The following TMPRSS9 variants were observed in gnomAD, a reference collection of about 807,000 sequenced individuals.
The protein encoded by TMPRSS9 is transmembrane serine protease 9.
TMPRSS9 carries 113 observed loss-of-function variants against 111.4 expected under a neutral mutation model. The observed-to-expected ratio is 1.01, with a 90% CI of 0.87 to 1.19. The LOEUF is 1.19. TMPRSS9 is among the 50% of genes most tolerant of loss of function. The pLI, the probability that TMPRSS9 is intolerant of heterozygous loss-of-function variation, is 0.00. For synonymous variants in TMPRSS9, 805 were observed against 659.1 expected (o/e 1.22, Z -3.39); for missense variants, 1,803 against 1,513.1 (o/e 1.19, Z -3.18).
At chr19:2,388,511 T>A (rs138303698), upstream of TMPRSS9, among the ~76,000 whole-genome samples, 64 of 152,264 alleles carry the variant, frequency 4.2e-4, 2 homozygotes, top group East Asian at 0.012. Flanking sequence ...AAACGTATTC[T>A]CCCCTGGAGC....
intron 1 of TMPRSS9, among the ~76,000 whole-genome samples, chr19:2,391,601 C>T (rs958962420): frequency 2.9e-4 from 44 of 149,366 alleles, no homozygotes; most frequent in African/African-American, 9.6e-4. Context: ...TGTGTGCATG[C>T]GTGTGTGTGT....
chr19:2,389,649 T>G (rs1970544312), upstream of TMPRSS9: 4 of 1,061,720 alleles, frequency 3.8e-6, no homozygotes, highest in Admixed American at 8.2e-5. Flanking sequence ...ATGACAGGCG[T>G]GAGCCACCGC....
chr19:2,380,576 G>C (rs1226361796), intron 1 of TMPRSS9, among the ~76,000 whole-genome samples: 1 of 138,230 alleles, frequency 7.2e-6, no homozygotes, highest in Non-Finnish European at 1.5e-5. Context: ...ACTCCAGCCT[G>C]GGCAACAGAG....
At chr19:2,378,381 G>A (rs763931057) in intron 1 of TMPRSS9, among the ~76,000 whole-genome samples, 5 of 152,182 alleles carry the variant, frequency 3.3e-5, no homozygotes, top group Admixed American at 6.6e-5. Context: ...GTCCCTGTAA[G>A]TGTTGACGGG....
intron 1 of TMPRSS9, among the ~76,000 whole-genome samples, chr19:2,379,634 T>TTTCTTTCC (rs1491311536): frequency 1.4e-5 from 2 of 146,594 alleles, no homozygotes; most frequent in African/African-American, 2.6e-5. Flanking sequence ...TCTTTCTTTC[T>TTTCTTTCC]TTCTTTCTTT....
intron 1 of TMPRSS9, among the ~76,000 whole-genome samples, chr19:2,377,480 TC>T (rs1970346988): frequency 8.9e-5 from 3 of 33,584 alleles, no homozygotes; most frequent in African/African-American, 2.2e-4. Context: ...TCCCCTCTCC[TC>T]TCTCCCCCCC....
chr19:2,382,170 CT>C (rs1204603919), intron 1 of TMPRSS9, among the ~76,000 whole-genome samples: 2 of 152,090 alleles, frequency 1.3e-5, no homozygotes, highest in Non-Finnish European at 1.5e-5. Flanking sequence ...CAAAACGTTT[CT>C]TTTTTTTAAA....
Position 2,417,977 on chromosome 19 carries a change from G to T in TMPRSS9, c.2018-25G>T, listed in dbSNP as rs569280740. ...TGCTCTGATGATCACTGTGCACGTG[G>T]CCTTTCTGGCTCTTTCCCTGGTAGC... is the stretch of plus-strand genomic sequence containing the variant. On this transcript the variant is annotated intron_variant, in intron 12 of 17. Coordinates refer to ENST00000648592, the Ensembl canonical transcript of TMPRSS9. The T allele has an allele frequency of 2.5e-6, 4 of 1,611,198 alleles. No homozygotes were observed. The South Asian group carries it at 4.4e-5, about 18-fold the overall frequency.
At chr19:2,389,289 G>A (rs965796428), upstream of TMPRSS9, among the ~76,000 whole-genome samples, 61 of 151,220 alleles carry the variant, frequency 4.0e-4, no homozygotes, top group Non-Finnish European at 7.5e-4. Flanking sequence ...TGGCCAGGCT[G>A]GTCTCAAACT....
At chr19:2,416,424 T>C (rs1663738838) in intron 11 of TMPRSS9, 114 bp from the exon 13 acceptor site, 7 of 1,402,344 alleles carry the variant, frequency 5.0e-6, no homozygotes, top group Non-Finnish European at 6.7e-6. Flanking sequence ...AGGATGGTCC[T>C]GGGGCCCAGG....
At chr19:2,404,041 G>A (rs1441673549) in intron 6 of TMPRSS9, among the ~76,000 whole-genome samples, 3 of 151,536 alleles carry the variant, frequency 2.0e-5, no homozygotes, top group Non-Finnish European at 4.4e-5. Context: ...GGTGGTGGGC[G>A]CCTGTGGCCC....
intron 1 of TMPRSS9, among the ~76,000 whole-genome samples, chr19:2,367,972 A>C (rs1970260942): frequency 6.6e-6 from 1 of 152,094 alleles, no homozygotes; most frequent in African/African-American, 2.4e-5. Context: ...CAGCTTCCCA[A>C]AATGTTGGGA....
exon 17 of TMPRSS9, chr19:2,425,460 C>A: frequency 6.3e-7 from 1 of 1,591,824 alleles, no homozygotes; most frequent in Non-Finnish European, 8.5e-7. Context: ...TGCTGTGTGC[C>A]GGCTTCCCGC....
intron 1 of TMPRSS9, among the ~76,000 whole-genome samples, chr19:2,394,498 T>C (rs1432983219): frequency 6.6e-6 from 1 of 152,176 alleles, no homozygotes; most frequent in African/African-American, 2.4e-5. Context: ...CTGAACTATT[T>C]CTGCAACTTC....
intron 6 of TMPRSS9, among the ~76,000 whole-genome samples, chr19:2,404,325 CAGA>C (rs1298381493): frequency 6.6e-6 from 1 of 151,998 alleles, no homozygotes; most frequent in East Asian, 1.9e-4. Context: ...AATATCCAAA[CAGA>C]AGGAGAGAAG....
intron 13 of TMPRSS9, 87 bp downstream of exon 14, chr19:2,418,225 A>C: frequency 7.5e-7 from 1 of 1,326,326 alleles, no homozygotes; most frequent in East Asian, 2.4e-5. Flanking sequence ...GCAGACCTAG[A>C]TTTTTTTCCT....
intron 1 of TMPRSS9, among the ~76,000 whole-genome samples, chr19:2,378,474 C>T (rs912349741): frequency 6.6e-6 from 1 of 152,096 alleles, no homozygotes; most frequent in Admixed American, 6.6e-5. Context: ...AATCCCAGCA[C>T]TTTGGGAGGC....
exon 12 of TMPRSS9, chr19:2,416,688 G>A (rs1367738974): frequency 3.1e-6 from 5 of 1,613,034 alleles, no homozygotes; most frequent in South Asian, 2.2e-5. Flanking sequence ...TCCTGGAGCT[G>A]GCCAGCCCCC....
chr19:2,399,937 C>A (rs1020615760), intron 4 of TMPRSS9, among the ~76,000 whole-genome samples: 2 of 152,130 alleles, frequency 1.3e-5, no homozygotes, highest in African/African-American at 4.8e-5. Flanking sequence ...ACCATGTGTA[C>A]TGGGCTGGTC....
Sources: gnomAD v4.1 joint callset for allele counts (sites outside exome capture counted in the v4.1 genomes callset) on GRCh38, gnomAD v4.1.1 for gene constraint, MANE v1.5 for transcripts, NCBI Gene and HGNC (gene_info 2026-07-23, HGNC 2026-07-21) for gene names.